PCDHA11: variants seen among roughly 807,000 people sequenced by gnomAD.
PCDHA11 encodes protocadherin alpha-11.
Under a neutral mutation model 70.3 loss-of-function variants are expected in PCDHA11, and 61 were observed. The ratio of observed to expected loss-of-function variants is 0.87; its 90% confidence interval spans 0.71 to 1.07. The LOEUF is 1.07. Ranked by LOEUF, PCDHA11 falls within the 50% of genes least tolerant of loss-of-function variation. The pLI is 0.00. For missense variants in PCDHA11, 1,324 were observed against 1,237.5 expected (o/e 1.07, Z -1.05); for synonymous variants, 633 against 555.1 (o/e 1.14, Z -1.97).
intron 3 of PCDHA11, among the ~76,000 whole-genome samples, chr5:141,000,339 A>ATC (rs1414297743): frequency 9.8e-6 from 1 of 102,338 alleles, no homozygotes; most frequent in Non-Finnish European, 2.1e-5. Context: ...GCAAGGCCCT[A>ATC]TCTCTCTCTC....
Position 140,869,778 on chromosome 5 carries a change from C to G in PCDHA11, c.675C>G (p.Thr225=), listed in dbSNP as rs782226363. Residue 225 remains threonine (T), a synonymous_variant, in exon 1 of 4, where the codon ACC becomes ACG. Transcript: ENST00000398640. The part of the protein sequence containing the change: ...TDGGKPELTG[T]VRLLVQVLDV... The stretch of plus-strand genomic sequence containing the variant: ...GGGGAAAACCAGAGCTTACTGGCAC[C>G]GTTCGGCTGTTAGTCCAAGTCTTGG... 1 of 1,612,924 alleles carries G rather than the reference C, an allele frequency of 6.2e-7. No individual in the cohort carries two copies.
At chr5:140,998,522 A>G (rs2097818629) in intron 3 of PCDHA11, among the ~76,000 whole-genome samples, 1 of 151,980 alleles carries the variant, frequency 6.6e-6, no homozygotes, top group South Asian at 2.1e-4. Context: ...TATTATTCAT[A>G]TTTATATCCC....
intron 1 of PCDHA11, chr5:140,884,544 G>T: frequency 6.2e-7 from 1 of 1,614,222 alleles, no homozygotes; most frequent in South Asian, 1.1e-5. Flanking sequence ...CCGAGGGTGT[G>T]CTCTGGGGAG....
At chr5:140,904,447 C>T (rs2071139964) in intron 1 of PCDHA11, among the ~76,000 whole-genome samples, 1 of 151,118 alleles carries the variant, frequency 6.6e-6, no homozygotes, top group Non-Finnish European at 1.5e-5. Flanking sequence ...ATTACAATTT[C>T]TTTATACACT....
intron 1 of PCDHA11, among the ~76,000 whole-genome samples, chr5:140,905,776 G>A (rs190550917): frequency 2.4e-3 from 372 of 152,186 alleles, no homozygotes; most frequent in Non-Finnish European, 4.1e-3. Context: ...ATTCCGAAGT[G>A]TATTAGTCAG....
intron 1 of PCDHA11, among the ~76,000 whole-genome samples, chr5:140,943,825 T>C (rs1421631991): frequency 6.6e-6 from 1 of 152,128 alleles, no homozygotes; most frequent in East Asian, 1.9e-4. Context: ...GAAAATGAGT[T>C]GATTGAAGTT....
At chr5:140,931,519 A>G (rs578009368) in intron 1 of PCDHA11, among the ~76,000 whole-genome samples, 6 of 152,054 alleles carry the variant, frequency 3.9e-5, no homozygotes, top group Non-Finnish European at 8.8e-5. Flanking sequence ...TGAATGATTA[A>G]CAAAATAATA....
chr5:140,871,386 G>A lies in PCDHA11; in HGVS notation c.2283G>A (p.Glu761=), dbSNP rs782650816. The A allele has an allele frequency of 3.1e-6, 5 of 1,614,058 alleles. No individual in the cohort carries two copies. In the South Asian group the frequency reaches 4.4e-5, roughly 14 times the overall value. ...GGCGGCAGAGGGTGTGCTCTGAGGA[G>A]GGCCCACCTAAGACGGACCTCATGG... The part of the protein sequence containing the change: ...QQRRQRVCSE[E]GPPKTDLMAF... The change falls in exon 1 of 4, where the codon GAG becomes GAA. Residue 761 remains glutamate (E), a synonymous_variant. Coordinates refer to ENST00000398640, the MANE Select transcript of PCDHA11 (RefSeq NM_018902.5).
intron 1 of PCDHA11, among the ~76,000 whole-genome samples, chr5:140,886,962 G>A (rs1017446014): frequency 6.6e-6 from 1 of 151,842 alleles, no homozygotes; most frequent in African/African-American, 2.4e-5. Context: ...ATTTAGCAAC[G>A]AAATTTATTA....
At chr5:140,962,455 A>G (rs571453201) in intron 1 of PCDHA11, among the ~76,000 whole-genome samples, 4 of 152,246 alleles carry the variant, frequency 2.6e-5, no homozygotes, top group Non-Finnish European at 4.4e-5. Flanking sequence ...TGAATCTCTT[A>G]TGGCTTGAAT....
intron 3 of PCDHA11, among the ~76,000 whole-genome samples, chr5:141,008,824 T>C (rs1042258496): frequency 6.6e-6 from 1 of 152,186 alleles, no homozygotes; most frequent in African/African-American, 2.4e-5. Flanking sequence ...TACAACAGGA[T>C]TCCATCCTCT....
At chr5:140,950,073 G>T (rs2094447306) in intron 1 of PCDHA11, among the ~76,000 whole-genome samples, 1 of 151,672 alleles carries the variant, frequency 6.6e-6, no homozygotes, top group Non-Finnish European at 1.5e-5. Flanking sequence ...CTGTGCCATT[G>T]CTTATGCTAT....
chr5:140,926,919 A>G, intron 1 of PCDHA11: 9 of 1,566,668 alleles, frequency 5.7e-6, no homozygotes, highest in Non-Finnish European at 7.8e-6. Flanking sequence ...TGGCAGTTTT[A>G]TGTTTGTGGG....
chr5:140,875,749 G>C, intron 1 of PCDHA11: 1 of 1,614,264 alleles, frequency 6.2e-7, no homozygotes, highest in Non-Finnish European at 8.5e-7. Flanking sequence ...GATCGACCGC[G>C]AGAAGCTGTG....
At chr5:140,928,998 C>T (rs1448389331) in intron 1 of PCDHA11, 5 of 1,613,784 alleles carry the variant, frequency 3.1e-6, no homozygotes, top group Non-Finnish European at 4.2e-6. Flanking sequence ...TACTTTTCTT[C>T]GTGTGTACCA....
intron 1 of PCDHA11, among the ~76,000 whole-genome samples, chr5:140,923,834 T>G (rs2081542074): frequency 6.6e-6 from 1 of 152,210 alleles, no homozygotes; most frequent in South Asian, 2.1e-4. Flanking sequence ...AGTGGCAGTT[T>G]AAATAGAGAA....
chr5:140,937,213 A>AT (rs1339770312), intron 1 of PCDHA11, among the ~76,000 whole-genome samples: 2 of 151,454 alleles, frequency 1.3e-5, no homozygotes, highest in Admixed American at 1.3e-4. Flanking sequence ...AATTTTTTGT[A>AT]TTTTTTGTAG....
chr5:141,011,288 T>C lies in PCDHA11; in HGVS notation c.*1351T>C, dbSNP rs1379355395. 1 of 153,798 alleles carries C rather than the reference T, an allele frequency of 6.5e-6. No individual in the cohort carries two copies. Among genetic ancestry groups the C allele is most frequent in the Non-Finnish European group, 1.5e-5 (1 of 68,050 alleles). The allele number at this position is 153,798 out of a possible 1,614,324, so 9.5% of individuals were successfully genotyped here. A position where few individuals can be genotyped will look rare whatever the true frequency, so the allele number is the denominator to read the frequency against. On this transcript the variant is annotated 3_prime_UTR_variant, in exon 4 of 4. Transcript: ENST00000398640. ...CTTCTCTTTGGTTTAGTTTTCCTTT[T>C]CTATAACACTCTGAATTGCTAATCT... is the stretch of plus-strand genomic sequence containing the variant.
chr5:140,969,401 T>A, intron 1 of PCDHA11: 1 of 1,579,566 alleles, frequency 6.3e-7, no homozygotes, highest in Non-Finnish European at 8.6e-7. Flanking sequence ...ATCCTGTGAT[T>A]TGGCTTTATT....
Sources: allele counts gnomAD v4.1 joint callset (sites outside exome capture counted in the v4.1 genomes callset), GRCh38; gene constraint gnomAD v4.1.1; transcripts MANE v1.5; gene names NCBI Gene and HGNC (gene_info 2026-07-23, HGNC 2026-07-21).